Variants in FBLN5 observed in about 807,000 individuals in gnomAD.
FBLN5 encodes fibulin 5.
Under a neutral mutation model 61.6 loss-of-function variants are expected in FBLN5, and 24 were observed. The ratio of observed to expected loss-of-function variants is 0.39; its 90% CI spans 0.28 to 0.55. The LOEUF (loss-of-function observed/expected upper bound fraction) is 0.55, where lower values mean the gene tolerates loss of function less well. Ranked by LOEUF, FBLN5 falls within the 20% of genes least tolerant of loss-of-function variation. FBLN5 has a pLI of 0.65. For missense variants in FBLN5, 470 were observed against 594.1 expected, an observed-to-expected ratio of 0.79 and a Z score of 2.17; for synonymous variants, 213 against 219.8, an observed-to-expected ratio of 0.97 and a Z score of 0.27.
Position 91,907,848 on chromosome 14 carries a change from C to A in FBLN5, c.380-12776G>T, listed in dbSNP as rs540176589. Among the ~76,000 whole-genome samples, 16 of 152,190 alleles carry A rather than the reference C, an allele frequency of 1.1e-4. No individual in the cohort carries two copies. The East Asian group carries it at 2.5e-3, about 24-fold the overall frequency. On this transcript the variant is annotated intron_variant, in intron 4 of 10. Transcript: ENST00000342058. The stretch of plus-strand genomic sequence containing the variant: ...AATGTTTTCTCCAGTGAGATGCCCC[C>A]CACACACTAGTCCTAGCCCCTTGTA...
chr14:91,912,801 C>T (rs1441800866), intron 4 of FBLN5, among the ~76,000 whole-genome samples: 5 of 138,998 alleles, frequency 3.6e-5, no homozygotes, highest in African/African-American at 1.3e-4. Context: ...CAGAGTGAGA[C>T]TCTGACTCAA....
intron 10 of FBLN5, among the ~76,000 whole-genome samples, chr14:91,875,765 C>A (rs1218038356): frequency 6.6e-6 from 1 of 152,186 alleles, no homozygotes; most frequent in Middle Eastern, 3.2e-3. Context: ...ACACCCCTTG[C>A]CTGCTCTGAA....
intron 10 of FBLN5, chr14:91,873,685 G>A (rs565147288): frequency 6.6e-6 from 1 of 152,306 alleles, no homozygotes; most frequent in Non-Finnish European, 1.5e-5. Flanking sequence ...GCTGGTAACG[G>A]AAGAATGCAC....
chr14:91,885,013 A>G lies in FBLN5; in HGVS notation c.740-1937T>C, dbSNP rs890870758. Among the ~76,000 whole-genome samples the G allele has an allele frequency of 3.9e-5, 6 of 152,302 alleles. No individual in the cohort carries two copies. In the East Asian group the frequency reaches 1.2e-3, roughly 29 times the overall value. On this transcript the variant is annotated intron_variant, in intron 7 of 10. Transcript: ENST00000342058. ...AACAGCTCAGCTTAGCAAATCCCTGAGAGACAAGGCTAGGAGGGGTCTGGG... is the reference window on the plus strand; with the variant it reads ...AACAGCTCAGCTTAGCAAATCCCTGGGAGACAAGGCTAGGAGGGGTCTGGG...
In FBLN5 at chr14:91,877,658, G is replaced by A; in HGVS notation, c.1014C>T (p.Asn338=). The change falls in exon 10 of 11, where the codon AAC becomes AAT. Residue 338 remains asparagine (N), a synonymous_variant. Coordinates refer to ENST00000342058, the MANE Select transcript of FBLN5 (RefSeq NM_006329.4). ...SDNRCMCPAE[N]PGCRDQPFTI... The stretch of plus-strand genomic sequence containing the variant: ...TAAAGGGCTGGTCTCTGCAGCCAGG[G>A]TTCTCAGCAGGACACATACAGCGGC... 2 of 1,614,122 alleles carry A rather than the reference G, an allele frequency of 1.2e-6. No individual in the cohort carries two copies. Among genetic ancestry groups the A allele is most frequent in the Non-Finnish European group, 1.7e-6 (2 of 1,179,980 alleles).
intron 7 of FBLN5, among the ~76,000 whole-genome samples, chr14:91,885,528 G>GA (rs1889689288): frequency 6.6e-6 from 1 of 152,108 alleles, no homozygotes; most frequent in Non-Finnish European, 1.5e-5. Context: ...AGCCAGCCTG[G>GA]AACCAGCCTG....
At chr14:91,929,047 G>A (rs1019189883) in intron 4 of FBLN5, among the ~76,000 whole-genome samples, 1 of 150,312 alleles carries the variant, frequency 6.7e-6, no homozygotes, top group African/African-American at 2.5e-5. Flanking sequence ...GATAGAGTGA[G>A]ACTCCATCTC....
At chr14:91,887,614 G>A (rs957717805) in intron 6 of FBLN5, among the ~76,000 whole-genome samples, 8 of 151,932 alleles carry the variant, frequency 5.3e-5, no homozygotes, top group East Asian at 3.9e-4. Context: ...ATGCTCCAAC[G>A]CACCCCCCCA....
chr14:91,935,280 C>A (rs1443262019), intron 4 of FBLN5, among the ~76,000 whole-genome samples: 2 of 152,238 alleles, frequency 1.3e-5, no homozygotes, highest in African/African-American at 2.4e-5. Flanking sequence ...GAGGGAGACA[C>A]TTTGGAGAAA....
chr14:91,933,315 C>G (rs1246358941), intron 4 of FBLN5, among the ~76,000 whole-genome samples: 3 of 152,178 alleles, frequency 2.0e-5, no homozygotes, highest in African/African-American at 7.2e-5. Context: ...TGCTCTGTCG[C>G]CCAGGCTGGA....
At chr14:91,920,642 C>T (rs1015975540) in intron 4 of FBLN5, among the ~76,000 whole-genome samples, 2 of 152,174 alleles carry the variant, frequency 1.3e-5, no homozygotes, top group African/African-American at 4.8e-5. Flanking sequence ...GTAAAGACTT[C>T]CTCAACCCCC....
intron 4 of FBLN5, among the ~76,000 whole-genome samples, chr14:91,906,438 C>G (rs568218399): frequency 6.6e-6 from 1 of 152,248 alleles, no homozygotes; most frequent in Non-Finnish European, 1.5e-5. Context: ...CTGAAACATA[C>G]CACCTCCCAG....
intron 4 of FBLN5, among the ~76,000 whole-genome samples, chr14:91,917,590 A>G (rs1891249701): frequency 1.3e-5 from 2 of 151,592 alleles, no homozygotes; most frequent in South Asian, 2.1e-4. Context: ...AAAAAAAAAA[A>G]AAAAAAAAAA....
intron 4 of FBLN5, among the ~76,000 whole-genome samples, chr14:91,920,693 C>A (rs1041751634): frequency 6.6e-6 from 1 of 152,178 alleles, no homozygotes; most frequent in African/African-American, 2.4e-5. Context: ...CAGTCCATAG[C>A]AGCCTTGTGG....
In FBLN5 at chr14:91,947,522, T is replaced by G. The variant is rs1313083640; in HGVS notation, c.-293A>C. 1.8e-6 allele frequency: 1 copy of G among 556,912 alleles called. No individual in the cohort carries two copies. Among genetic ancestry groups the G allele is most frequent in the Non-Finnish European group, 3.2e-6 (1 of 311,306 alleles). The allele number at this position is 556,912 out of a possible 1,614,324, so 34.5% of individuals were successfully genotyped here. ...TGAACACTTCATTTTCTAAGTATGT[T>G]AAACAATGCAAATGGGGCCTCAGTC... On this transcript the variant is annotated 5_prime_UTR_variant, in exon 1 of 11. Transcript: ENST00000342058. This position sits in a 1 kb window ranked among gnomAD's most constrained non-coding sequence, Gnocchi z 4.3.
At chr14:91,903,309 T>G (rs1890539093) in intron 4 of FBLN5, among the ~76,000 whole-genome samples, 1 of 152,192 alleles carries the variant, frequency 6.6e-6, no homozygotes, top group East Asian at 1.9e-4. Flanking sequence ...TGCAATGCCT[T>G]GGCCAGGGCA....
intron 1 of FBLN5, among the ~76,000 whole-genome samples, chr14:91,945,228 C>CAAAAA (rs545285563): frequency 1.5e-5 from 1 of 64,892 alleles, no homozygotes; most frequent in Admixed American, 1.8e-4. Flanking sequence ...GACTCCGTCT[C>CAAAAA]AAAAAAAAAA....
chr14:91,939,924 A>T (rs1283165545), intron 3 of FBLN5: 2 of 453,824 alleles, frequency 4.4e-6, no homozygotes, highest in Admixed American at 2.4e-5. Flanking sequence ...AAGTAGAAGA[A>T]GAAGAGGCTG....
chr14:91,937,375 C>T (rs2056037279), intron 3 of FBLN5, among the ~76,000 whole-genome samples, 174 bp from the exon 4 acceptor site: 1 of 152,118 alleles, frequency 6.6e-6, no homozygotes, highest in Non-Finnish European at 1.5e-5. Context: ...TCAAAGTAAC[C>T]AGTGTCACTC....
Sources: allele counts gnomAD v4.1 joint callset (sites outside exome capture counted in the v4.1 genomes callset), GRCh38; gene constraint gnomAD v4.1.1; non-coding constraint Gnocchi (gnomAD v3.1); transcripts MANE v1.5; gene names NCBI Gene and HGNC (gene_info 2026-07-23, HGNC 2026-07-21).